The following SPOCK3 variants were observed in gnomAD, a reference collection of about 807,000 sequenced individuals.
The protein encoded by SPOCK3 is testican-3.
In SPOCK3, 30 loss-of-function variants were observed where a neutral mutation model predicts 56.6. That is an observed-to-expected ratio of 0.53 (90% CI 0.40 to 0.72). The LOEUF (loss-of-function observed/expected upper bound fraction) is 0.72, where lower values mean the gene tolerates loss of function less well. SPOCK3 is among the 30% of genes least tolerant of loss of function. The probability of loss-of-function intolerance (pLI) is 0.00; values close to 1 mark genes in which losing one functional copy is unlikely to be tolerated. For synonymous variants in SPOCK3, 196 were observed against 183.3 expected (o/e 1.07, Z -0.56); for missense variants, 527 against 530.0 (o/e 0.99, Z 0.06).
chr4:167,149,982 G>C (rs1366992966), intron 2 of SPOCK3, among the ~76,000 whole-genome samples: 1 of 152,110 alleles, frequency 6.6e-6, no homozygotes, highest in Non-Finnish European at 1.5e-5. Context: ...TTAAATGGCT[G>C]TCATGAGGAT....
chr4:167,089,302 T>C (rs1038961195), intron 2 of SPOCK3, among the ~76,000 whole-genome samples: 6 of 152,140 alleles, frequency 3.9e-5, no homozygotes, highest in African/African-American at 1.4e-4. Flanking sequence ...TTTCACATAG[T>C]ATGTCCAGAG....
At chr4:167,072,282 T>C (rs553764028) in intron 2 of SPOCK3, among the ~76,000 whole-genome samples, 4 of 152,200 alleles carry the variant, frequency 2.6e-5, no homozygotes, top group African/African-American at 7.2e-5. Flanking sequence ...TGATGGCCTA[T>C]GGGCCAGGCC....
chr4:166,917,494 TC>T (rs948730842), intron 4 of SPOCK3, among the ~76,000 whole-genome samples: 2 of 152,170 alleles, frequency 1.3e-5, no homozygotes. Context: ...AAATTGGTCT[TC>T]CGACAGTAGC....
intron 2 of SPOCK3, among the ~76,000 whole-genome samples, chr4:167,161,989 A>C (rs1399931887): frequency 6.6e-6 from 1 of 152,132 alleles, no homozygotes; most frequent in East Asian, 1.9e-4. Flanking sequence ...ATGTATACAT[A>C]TGTAACAAAC....
chr4:166,772,274 T>C (rs905928897), intron 7 of SPOCK3, among the ~76,000 whole-genome samples: 2 of 152,090 alleles, frequency 1.3e-5, no homozygotes, highest in Admixed American at 1.3e-4. Flanking sequence ...ATAAAATATA[T>C]GTTTAAAGTA....
intron 5 of SPOCK3, among the ~76,000 whole-genome samples, chr4:166,899,994 T>C (rs1160725243): frequency 6.6e-6 from 1 of 152,190 alleles, no homozygotes; most frequent in Non-Finnish European, 1.5e-5. Flanking sequence ...CTTGGTCCTT[T>C]ACAACTCAAC....
At chr4:166,890,712 C>T (rs1734679514) in intron 5 of SPOCK3, among the ~76,000 whole-genome samples, 1 of 151,850 alleles carries the variant, frequency 6.6e-6, no homozygotes, top group South Asian at 2.1e-4. Flanking sequence ...TGATGTGTTG[C>T]TAAGAATTTA....
intron 2 of SPOCK3, among the ~76,000 whole-genome samples, chr4:167,101,930 C>A (rs1759689303): frequency 6.6e-6 from 1 of 151,798 alleles, no homozygotes; most frequent in South Asian, 2.1e-4. Context: ...ACCATGTTGA[C>A]CTCGTGATCT....
intron 6 of SPOCK3, among the ~76,000 whole-genome samples, chr4:166,814,784 G>T (rs1448014082): frequency 6.6e-6 from 1 of 152,156 alleles, no homozygotes; most frequent in African/African-American, 2.4e-5. Context: ...CCTTGTGATT[G>T]TGTGAGCCAA....
chr4:166,776,357 G>A (rs1344843349), intron 7 of SPOCK3, among the ~76,000 whole-genome samples: 1 of 152,124 alleles, frequency 6.6e-6, no homozygotes, highest in Non-Finnish European at 1.5e-5. Context: ...ATGTTGCAGT[G>A]AGCCGAGATT....
chr4:167,142,083 T>C lies in SPOCK3; in HGVS notation c.190-79546A>G, dbSNP rs1763581056. 2.0e-5 allele frequency among the ~76,000 whole-genome samples: 3 copies of C among 152,132 alleles called. No individual in the cohort carries two copies. The South Asian group carries it at 6.2e-4, about 32-fold the overall frequency. On this transcript the variant is annotated intron_variant, in intron 2 of 10. Transcript: ENST00000357545. ...CTGCCAAAATCTAGAATATACTTTA[T>C]TGACACATCAATTAAGTATGTGAGA...
intron 2 of SPOCK3, among the ~76,000 whole-genome samples, chr4:167,233,754 G>T (rs1398376248): frequency 1.3e-5 from 2 of 152,100 alleles, no homozygotes; most frequent in Admixed American, 6.5e-5. Flanking sequence ...GGGAGGAAGA[G>T]TGTGAACCTG....
chr4:167,095,410 A>G (rs943122097), intron 2 of SPOCK3, among the ~76,000 whole-genome samples: 3 of 152,104 alleles, frequency 2.0e-5, no homozygotes, highest in African/African-American at 7.2e-5. Context: ...CCTTAGGAAA[A>G]CCAGAGAAAA....
intron 4 of SPOCK3, among the ~76,000 whole-genome samples, chr4:166,970,747 A>G (rs926213320): frequency 6.7e-6 from 1 of 149,766 alleles, no homozygotes; most frequent in African/African-American, 2.5e-5. Flanking sequence ...AAAAAAAAAA[A>G]CAGAGTAACA....
At position 166,965,405 on chromosome 4, in the gene SPOCK3, T is replaced by G. The variant is rs57984962; in HGVS notation, c.350+34944A>C. On this transcript the variant is annotated intron_variant, in intron 4 of 10. Transcript: ENST00000357545. ...TTTTCTATTATTGTTTTTTTTTTTTTGTTTCTGAAAATCTCTTTGTTCCTT... is the reference window on the plus strand; with the variant it reads ...TTTTCTATTATTGTTTTTTTTTTTTGGTTTCTGAAAATCTCTTTGTTCCTT... 9.9e-5 allele frequency among the ~76,000 whole-genome samples: 15 copies of G among 151,646 alleles called. No homozygotes were observed. In the East Asian group the frequency reaches 2.7e-3, roughly 27 times the overall value.
At chr4:166,746,056 C>T (rs1482516202) in intron 8 of SPOCK3, among the ~76,000 whole-genome samples, 2 of 152,194 alleles carry the variant, frequency 1.3e-5, no homozygotes, top group African/African-American at 4.8e-5. Flanking sequence ...TAACACCCTA[C>T]TGTCAACATT....
chr4:166,891,766 C>T (rs955707493), intron 5 of SPOCK3, among the ~76,000 whole-genome samples: 1 of 151,820 alleles, frequency 6.6e-6, no homozygotes, highest in Admixed American at 6.6e-5. Context: ...ATTTCAGAAC[C>T]CTGAACTTTC....
intron 7 of SPOCK3, among the ~76,000 whole-genome samples, chr4:166,772,616 G>A (rs887813383): frequency 6.6e-6 from 1 of 152,126 alleles, no homozygotes; most frequent in African/African-American, 2.4e-5. Flanking sequence ...ATATTATTGG[G>A]AAATTGATAC....
At chr4:167,181,341 C>T (rs1330477427) in intron 2 of SPOCK3, among the ~76,000 whole-genome samples, 6 of 152,158 alleles carry the variant, frequency 3.9e-5, no homozygotes, top group Non-Finnish European at 8.8e-5. Flanking sequence ...CAAAATATAT[C>T]TCCAGTCCGA....
Sources: gnomAD v4.1 joint callset for allele counts (sites outside exome capture counted in the v4.1 genomes callset) on GRCh38, gnomAD v4.1.1 for gene constraint, MANE v1.5 for transcripts, NCBI Gene and HGNC (gene_info 2026-07-23, HGNC 2026-07-21) for gene names.